The following DCP1B variants were observed in gnomAD, a reference collection of about 807,000 sequenced individuals.
DCP1B encodes the protein mRNA-decapping enzyme 1B.
In DCP1B, 47 loss-of-function variants were observed where a neutral mutation model predicts 60.5. The ratio of observed to expected loss-of-function variants is 0.78; its 90% CI spans 0.61 to 0.99. The LOEUF (loss-of-function observed/expected upper bound fraction) is 0.99, where lower values mean the gene tolerates loss of function less well. Ranked by LOEUF, DCP1B falls within the 50% of genes least tolerant of loss-of-function variation. DCP1B has a pLI of 0.00. For synonymous variants in DCP1B, 267 were observed against 280.3 expected (o/e 0.95, Z 0.47); for missense variants, 725 against 756.8 (o/e 0.96, Z 0.49).
At chr12:1,999,110 A>C (rs1008275215) in intron 1 of DCP1B, among the ~76,000 whole-genome samples, 3 of 152,188 alleles carry the variant, frequency 2.0e-5, no homozygotes, top group Non-Finnish European at 4.4e-5. Context: ...ACTTATTAGA[A>C]ATGCAAGCTC....
chr12:1,984,030 G>A (rs975559033), intron 3 of DCP1B, among the ~76,000 whole-genome samples: 14 of 151,974 alleles, frequency 9.2e-5, no homozygotes, highest in Admixed American at 9.2e-4. Context: ...TACTTTGTCT[G>A]ATGTTAATCT....
In DCP1B at chr12:1,955,543, C is replaced by T. The variant is rs199757070; in HGVS notation, c.540G>A (p.Glu180=). The T allele has an allele frequency of 2.5e-6, 4 of 1,613,400 alleles. No homozygotes were observed. The highest frequency in any genetic ancestry group is 1.7e-4 in the Middle Eastern group (1 of 6,058). The part of the protein sequence containing the change: ...DEYTKCKTCS[E]PKKITSSSAI... ...CAGAGGAACTGGTTATCTTTTTTGG[C>T]TCAGAACAGGTTTTACACTGAAATA... The change falls in exon 6 of 9, where the codon GAG becomes GAA. Residue 180 remains glutamate, a synonymous_variant. Transcript: ENST00000280665.
chr12:1,997,762 G>A (rs1593348415), intron 2 of DCP1B, among the ~76,000 whole-genome samples, 173 bp downstream of exon 2: 1 of 152,250 alleles, frequency 6.6e-6, no homozygotes, highest in Non-Finnish European at 1.5e-5. Flanking sequence ...CGATATACCA[G>A]GTGACATTAT....
intron 5 of DCP1B, among the ~76,000 whole-genome samples, chr12:1,963,032 T>G (rs576112677): frequency 6.6e-6 from 1 of 152,208 alleles, no homozygotes; most frequent in Non-Finnish European, 1.5e-5. Context: ...CCACTTTCAC[T>G]TTCTGTAAAC....
At chr12:1,993,737 C>T (rs1432562519) in intron 2 of DCP1B, among the ~76,000 whole-genome samples, 1 of 151,758 alleles carries the variant, frequency 6.6e-6, no homozygotes, top group Non-Finnish European at 1.5e-5. Flanking sequence ...ACATTACTGA[C>T]TTTTAAAGAA....
chr12:1,945,862 A>G (rs2154456183), downstream of DCP1B, among the ~76,000 whole-genome samples: 2 of 152,260 alleles, frequency 1.3e-5, no homozygotes, highest in South Asian at 2.1e-4. Flanking sequence ...GGAGGGGAAC[A>G]TCACACACTG....
chr12:1,972,810 GA>G (rs1028314383), intron 3 of DCP1B, among the ~76,000 whole-genome samples: 32 of 152,104 alleles, frequency 2.1e-4, no homozygotes, highest in Non-Finnish European at 4.7e-4. Flanking sequence ...GGAATGAAGG[GA>G]GGGGGGAGAT....
chr12:1,958,020 TTTTTCTATAAA>T (rs2030952940), intron 5 of DCP1B, among the ~76,000 whole-genome samples: 1 of 141,452 alleles, frequency 7.1e-6, no homozygotes, highest in African/African-American at 2.6e-5. Flanking sequence ...CTGGGCAGAC[TTTTTCTATAAA>T]CCTCCTGGAA....
downstream of DCP1B, among the ~76,000 whole-genome samples, chr12:1,945,802 A>C (rs965144400): frequency 1.1e-4 from 16 of 152,116 alleles, no homozygotes; most frequent in Admixed American, 5.2e-4. Flanking sequence ...CAAACACCAC[A>C]TGTTCTCACT....
intron 1 of DCP1B, among the ~76,000 whole-genome samples, chr12:1,998,318 C>T (rs537924581): frequency 3.9e-5 from 6 of 152,292 alleles, no homozygotes; most frequent in Middle Eastern, 3.4e-3. Context: ...GCCTTTTTCT[C>T]CTTCCACCAC....
At chr12:1,955,149 G>A (rs1053715234) in intron 6 of DCP1B, among the ~76,000 whole-genome samples, 2 of 152,188 alleles carry the variant, frequency 1.3e-5, no homozygotes, top group African/African-American at 2.4e-5. Context: ...GAGCCACTGT[G>A]CTGGCTTGTT....
chr12:1,966,039 G>C (rs973545080), intron 4 of DCP1B: 1 of 193,250 alleles, frequency 5.2e-6, no homozygotes, highest in East Asian at 1.5e-4. Context: ...TTCTATAGTC[G>C]GAACACAAAT....
At chr12:1,986,453 T>C (rs1454197159) in intron 3 of DCP1B, among the ~76,000 whole-genome samples, 3 of 152,072 alleles carry the variant, frequency 2.0e-5, no homozygotes, top group Non-Finnish European at 4.4e-5. Flanking sequence ...AAAATAAAAA[T>C]ACATAATGGG....
downstream of DCP1B, among the ~76,000 whole-genome samples, chr12:1,943,394 T>C (rs915095926): frequency 6.6e-6 from 1 of 152,218 alleles, no homozygotes; most frequent in South Asian, 2.1e-4. Context: ...CTGAAACTAT[T>C]CCAAACAGTA....
intron 7 of DCP1B, among the ~76,000 whole-genome samples, chr12:1,949,598 G>C (rs1222874436): frequency 5.3e-5 from 8 of 152,298 alleles, no homozygotes; most frequent in South Asian, 2.1e-4. Context: ...TATTTTTCAG[G>C]CTACCAGTAT....
chr12:2,004,207 C>G (rs779682879), intron 1 of DCP1B, 75 bp downstream of exon 1: 2 of 1,583,832 alleles, frequency 1.3e-6, no homozygotes, highest in Non-Finnish European at 1.7e-6. Flanking sequence ...TCACCGGGTC[C>G]TCAAGTCCTG....
chr12:1,977,025 C>G (rs1182897143), intron 3 of DCP1B, among the ~76,000 whole-genome samples: 1 of 152,094 alleles, frequency 6.6e-6, no homozygotes, highest in African/African-American at 2.4e-5. Flanking sequence ...GAAAACAACC[C>G]TCAGTTATCT....
chr12:1,950,307 A>G (rs112888038), intron 7 of DCP1B: 24,203 of 702,326 alleles, frequency 0.034, 593 homozygotes, highest in Middle Eastern at 0.078. Context: ...AGGTGGAGTC[A>G]AGCATTCTGA....
chr12:1,952,371 C>T lies in DCP1B; in HGVS notation c.1524+45G>A, dbSNP rs541891226. The T allele has an allele frequency of 6.8e-6, 10 of 1,479,522 alleles. No homozygotes were observed. In the African/African-American group the frequency reaches 1.4e-4, roughly 21 times the overall value. 91.6% of individuals were successfully genotyped at this position (1,479,522 alleles called of 1,614,324 possible). A position where few individuals can be genotyped will look rare whatever the true frequency, so the allele number is the denominator to read the frequency against. ...TTTTTTTTTTAGGGACAGGATCTTGCTATGCTGCCCAGGCTGTTTTATTTT... is the reference window on the plus strand; with the variant it reads ...TTTTTTTTTTAGGGACAGGATCTTGTTATGCTGCCCAGGCTGTTTTATTTT... On this transcript the variant is annotated intron_variant, in intron 7 of 8. Coordinates refer to ENST00000280665, the MANE Select transcript of DCP1B (RefSeq NM_152640.5).
Sources: gnomAD v4.1 joint callset for allele counts (sites outside exome capture counted in the v4.1 genomes callset) on GRCh38, gnomAD v4.1.1 for gene constraint, MANE v1.5 for transcripts, NCBI Gene and HGNC (gene_info 2026-07-23, HGNC 2026-07-21) for gene names.